The following NFATC1 variants were observed in gnomAD, a reference collection of about 807,000 sequenced individuals.
NFATC1 encodes the protein nuclear factor of activated T-cells, cytoplasmic 1.
In NFATC1, 22 loss-of-function variants were observed where a neutral mutation model predicts 76.0. The observed-to-expected ratio is 0.29, with a 90% CI of 0.21 to 0.41. NFATC1 has a LOEUF of 0.41. NFATC1 is among the 10% of genes least tolerant of loss of function. NFATC1 has a pLI of 1.00. For missense variants in NFATC1, 1,357 were observed against 1,337.7 expected (o/e 1.01, Z -0.23); for synonymous variants, 704 against 613.1 (o/e 1.15, Z -2.19).
At chr18:79,507,748 C>T (rs1350628212) in intron 9 of NFATC1, among the ~76,000 whole-genome samples, 1 of 152,256 alleles carries the variant, frequency 6.6e-6, no homozygotes, top group Admixed American at 6.5e-5. Flanking sequence ...TAAAGAAAAA[C>T]CTTCTCCCTC....
At chr18:79,520,790 G>GT in intron 9 of NFATC1, among the ~76,000 whole-genome samples, 1 of 79,192 alleles carries the variant, frequency 1.3e-5, no homozygotes, top group Non-Finnish European at 2.4e-5. Flanking sequence ...TGTGTGTGGG[G>GT]GGGCATCCAC....
chr18:79,521,884 G>T (rs1340879081), intron 9 of NFATC1, among the ~76,000 whole-genome samples: 1 of 95,876 alleles, frequency 1.0e-5, no homozygotes, highest in Middle Eastern at 6.0e-3. Flanking sequence ...TGTGTGTGGG[G>T]GGGGCATCCA....
chr18:79,486,948 G>C lies in NFATC1; in HGVS notation c.2782+11G>C. The C allele has an allele frequency of 6.3e-7, 1 of 1,580,876 alleles. No individual in the cohort carries two copies. Among genetic ancestry groups the C allele is most frequent in the Non-Finnish European group, 8.6e-7 (1 of 1,160,702 alleles). On this transcript the variant is annotated intron_variant, in intron 9 of 9. Transcript: ENST00000427363. ...TGTACCTGGATGACGGTGAGTGCCC[G>C]CAGCCATGCAGGTGTGTGCCCCGCC...
intron 1 of NFATC1, among the ~76,000 whole-genome samples, chr18:79,401,845 G>T (rs552090625): frequency 6.6e-6 from 1 of 152,214 alleles, no homozygotes; most frequent in African/African-American, 2.4e-5. Context: ...GTGGGCCTGC[G>T]ACAGGCCCAG....
At chr18:79,424,985 C>CTG (rs1555902801) in intron 2 of NFATC1, among the ~76,000 whole-genome samples, 8 of 140,016 alleles carry the variant, frequency 5.7e-5, no homozygotes, top group Non-Finnish European at 1.2e-4. Flanking sequence ...CTCTCTGTCT[C>CTG]TCTGTGTCTA....
rs949466572 is a variant in NFATC1, at chr18:79,487,063, G to C, written c.2782+126G>C. ...TGCACCGAGGCACCGGGCAGGGTGT[G>C]GGGTGCGTCCTCCTGATATAAAGTG... On this transcript the variant is annotated intron_variant, in intron 9 of 9. Transcript: ENST00000427363. 18 of 1,126,120 alleles carry C rather than the reference G, an allele frequency of 1.6e-5. No homozygotes were observed. The African/African-American group carries it at 2.1e-4, about 13-fold the overall frequency. The allele number at this position is 1,126,120 out of a possible 1,614,324, so 69.8% of individuals were successfully genotyped here. A position where few individuals can be genotyped will look rare whatever the true frequency, so the allele number is the denominator to read the frequency against.
intron 3 of NFATC1, among the ~76,000 whole-genome samples, chr18:79,446,670 T>A (rs950369770): frequency 1.3e-5 from 2 of 150,862 alleles, no homozygotes; most frequent in African/African-American, 4.9e-5. Context: ...CCTGACTGTT[T>A]GTGTGGAGAC....
At chr18:79,448,508 CTG>C in intron 3 of NFATC1, 1 of 485,606 alleles carries the variant, frequency 2.1e-6, no homozygotes, top group South Asian at 2.8e-5. Context: ...GCCAGCTTCA[CTG>C]TGGCCTCAGA....
intron 1 of NFATC1, among the ~76,000 whole-genome samples, chr18:79,405,977 G>T (rs2085423407): frequency 1.3e-5 from 2 of 151,986 alleles, no homozygotes; most frequent in South Asian, 4.2e-4. Context: ...GGCCCCTGAG[G>T]ACTTGCACAC....
At chr18:79,397,038 G>C (rs2085030630) in intron 1 of NFATC1, among the ~76,000 whole-genome samples, 1 of 152,178 alleles carries the variant, frequency 6.6e-6, no homozygotes, top group Non-Finnish European at 1.5e-5. Flanking sequence ...CTTCTTTATA[G>C]TGAAAAAAAG....
At position 79,486,317 on chromosome 18, in the gene NFATC1, G is replaced by C; in HGVS notation, c.2162G>C (p.Gly721Ala). The C allele has an allele frequency of 6.2e-7, 1 of 1,613,176 alleles. No homozygotes were observed. Among genetic ancestry groups the C allele is most frequent in the African/African-American group, 1.3e-5 (1 of 75,038 alleles). ...PAPTCGPVSQ[G>A]LSPLPRPYYS... Reference sequence around the variant, plus strand: ...CCAACCTGTGGACCGGTGAGCCAGGGGTTAAGTCCTCTCCCAAGACCATAC... The same window carrying C: ...CCAACCTGTGGACCGGTGAGCCAGGCGTTAAGTCCTCTCCCAAGACCATAC... Residue 721 changes from glycine to alanine, a missense_variant, in exon 9 of 10, where the codon GGG (glycine) becomes GCG (alanine). By Grantham distance (60) the Gly-to-Ala change is moderately conservative. Coordinates refer to ENST00000427363, the MANE Select transcript of NFATC1 (RefSeq NM_001278669.2).
intron 3 of NFATC1, among the ~76,000 whole-genome samples, chr18:79,439,799 GCT>G (rs1391249904): frequency 6.6e-6 from 1 of 152,194 alleles, no homozygotes; most frequent in Admixed American, 6.5e-5. Flanking sequence ...AAGCCCACGG[GCT>G]CTGTTTTGAG....
intron 2 of NFATC1, among the ~76,000 whole-genome samples, chr18:79,430,105 C>G (rs758674104): frequency 3.3e-5 from 5 of 152,238 alleles, no homozygotes; most frequent in Non-Finnish European, 5.9e-5. Context: ...CCCACGACGA[C>G]AAAATGGCCT....
chr18:79,429,425 T>C (rs528161893), intron 2 of NFATC1, among the ~76,000 whole-genome samples: 5 of 152,176 alleles, frequency 3.3e-5, no homozygotes, highest in African/African-American at 9.6e-5. Flanking sequence ...AATTGACTTA[T>C]GTTGAAGATG....
At chr18:79,454,512 G>A (rs953654725) in intron 6 of NFATC1, among the ~76,000 whole-genome samples, 2 of 152,198 alleles carry the variant, frequency 1.3e-5, no homozygotes, top group Admixed American at 6.5e-5. Flanking sequence ...CAAGGGCATG[G>A]CTCGCCGTAG....
At position 79,524,347 on chromosome 18, in the gene NFATC1, G is replaced by A. The variant is rs1235714886; in HGVS notation, c.2783-3181G>A. Among the ~76,000 whole-genome samples the A allele has an allele frequency of 2.0e-5, 3 of 152,220 alleles. No homozygotes were observed. Among genetic ancestry groups the A allele is most frequent in the African/African-American group, 4.8e-5 (2 of 41,444 alleles). ...GGCTCCACGTACGGCTCTCGTCCGC[G>A]GTGTGGATGGGTGGGCGGTACAGCC... is the stretch of plus-strand genomic sequence containing the variant. On this transcript the variant is annotated intron_variant, in intron 9 of 9. Coordinates refer to ENST00000427363, the MANE Select transcript of NFATC1 (RefSeq NM_001278669.2). This position sits in a 1 kb window ranked among gnomAD's most constrained non-coding sequence, Gnocchi z 7.2.
chr18:79,462,248 A>G (rs145920284), intron 7 of NFATC1, among the ~76,000 whole-genome samples: 4 of 152,264 alleles, frequency 2.6e-5, no homozygotes, highest in South Asian at 2.1e-4. Flanking sequence ...CTTGGAGGCA[A>G]CGTCTTCTTG....
chr18:79,433,443 TTCTCCA>T, intron 2 of NFATC1, 130 bp from the exon 3 acceptor site: 1 of 1,032,668 alleles, frequency 9.7e-7, no homozygotes, highest in South Asian at 1.4e-5. Flanking sequence ...TGACACAGGC[TTCTCCA>T]TCTCCATGTC....
intron 9 of NFATC1, among the ~76,000 whole-genome samples, chr18:79,495,313 A>T (rs987217017): frequency 2.6e-5 from 4 of 152,206 alleles, no homozygotes; most frequent in African/African-American, 9.6e-5. Context: ...GCACTTTTTT[A>T]AATTGCCTGA....
Sources: gnomAD v4.1 joint callset for allele counts (sites outside exome capture counted in the v4.1 genomes callset) on GRCh38, gnomAD v4.1.1 for gene constraint, Gnocchi (gnomAD v3.1) non-coding constraint, MANE v1.5 for transcripts, NCBI Gene and HGNC (gene_info 2026-07-23, HGNC 2026-07-21) for gene names.